Variants in ATXN1 observed in about 807,000 individuals in gnomAD.
The protein encoded by ATXN1 is ataxin-1.
In ATXN1, 8 loss-of-function variants were observed where a neutral mutation model predicts 56.4. The observed-to-expected ratio is 0.14, with a 90% confidence interval of 0.08 to 0.26. The LOEUF is 0.26. ATXN1 is among the 10% of genes least tolerant of loss of function. ATXN1 has a pLI of 1.00. For synonymous variants in ATXN1, 514 were observed against 494.6 expected, an observed-to-expected ratio of 1.04 and a Z score of -0.52; for missense variants, 987 against 1,106.5, an observed-to-expected ratio of 0.89 and a Z score of 1.53.
intron 6 of ATXN1, among the ~76,000 whole-genome samples, chr6:16,478,401 G>C (rs1275378167): frequency 6.6e-6 from 1 of 152,182 alleles, no homozygotes; most frequent in East Asian, 1.9e-4. Flanking sequence ...ACAAGCCGAA[G>C]TATGACAGCC....
chr6:16,424,923 T>C (rs1340671570), intron 6 of ATXN1, among the ~76,000 whole-genome samples: 1 of 152,306 alleles, frequency 6.6e-6, no homozygotes, highest in Non-Finnish European at 1.5e-5. Context: ...TCCAGAACCA[T>C]CTAATGGCAT....
intron 5 of ATXN1, among the ~76,000 whole-genome samples, chr6:16,508,210 C>T (rs4716076): frequency 0.25 from 38,302 of 152,000 alleles, 5,772 homozygotes; most frequent in African/African-American, 0.4. Context: ...GAAAACGATA[C>T]TACATGACCT....
chr6:16,562,560 T>G (rs75076424), intron 4 of ATXN1, among the ~76,000 whole-genome samples: 13,244 of 151,616 alleles, frequency 0.087, 1,273 homozygotes, highest in East Asian at 0.48. Flanking sequence ...ATGAAATGGC[T>G]GGCAGCAGCC....
At chr6:16,372,384 G>A (rs1035070062) in intron 6 of ATXN1, among the ~76,000 whole-genome samples, 1 of 152,180 alleles carries the variant, frequency 6.6e-6, no homozygotes, top group Admixed American at 6.5e-5. Flanking sequence ...AAGTACACAG[G>A]TAGAATTGGT....
intron 3 of ATXN1, among the ~76,000 whole-genome samples, chr6:16,616,421 T>C (rs1763209806): frequency 1.3e-5 from 2 of 151,382 alleles, no homozygotes; most frequent in African/African-American, 2.4e-5. Flanking sequence ...ACACCTGTAA[T>C]CCCAGATACT....
chr6:16,332,217 G>A (rs1339290645), intron 6 of ATXN1, among the ~76,000 whole-genome samples: 3 of 152,252 alleles, frequency 2.0e-5, no homozygotes, highest in African/African-American at 7.2e-5. Flanking sequence ...TCTGGGCCCC[G>A]TAAGCTTTCA....
chr6:16,353,981 G>A (rs921976912), intron 6 of ATXN1, among the ~76,000 whole-genome samples: 3 of 152,158 alleles, frequency 2.0e-5, no homozygotes, highest in Non-Finnish European at 4.4e-5. Flanking sequence ...GCTAGGTTGG[G>A]GAACTACTAC....
intron 3 of ATXN1, among the ~76,000 whole-genome samples, chr6:16,626,295 C>G (rs1763404967): frequency 6.6e-6 from 1 of 151,938 alleles, no homozygotes; most frequent in Non-Finnish European, 1.5e-5. Flanking sequence ...TACTTTATTT[C>G]TTGTTTTTGA....
intron 5 of ATXN1, among the ~76,000 whole-genome samples, chr6:16,499,667 G>A (rs1760844902): frequency 6.6e-6 from 1 of 152,154 alleles, no homozygotes; most frequent in Non-Finnish European, 1.5e-5. Flanking sequence ...CACCCATTAA[G>A]ATTGGCTCTT....
intron 4 of ATXN1, among the ~76,000 whole-genome samples, chr6:16,558,026 T>G (rs993714228): frequency 6.6e-6 from 1 of 151,916 alleles, no homozygotes; most frequent in African/African-American, 2.4e-5. Context: ...GTAGAGGAAA[T>G]GGGGGAGTGG....
At chr6:16,371,666 T>C (rs1266636500) in intron 6 of ATXN1, among the ~76,000 whole-genome samples, 1 of 152,076 alleles carries the variant, frequency 6.6e-6, no homozygotes, top group Non-Finnish European at 1.5e-5. Context: ...GATCCTCCCA[T>C]CTCAGCTTCC....
At chr6:16,428,625 G>C (rs537754618) in intron 6 of ATXN1, among the ~76,000 whole-genome samples, 1 of 152,194 alleles carries the variant, frequency 6.6e-6, no homozygotes, top group Non-Finnish European at 1.5e-5. Context: ...TGCAAATGAG[G>C]AAAGGAGACA....
intron 1 of ATXN1, among the ~76,000 whole-genome samples, chr6:16,758,767 G>C (rs1424343813): frequency 3.9e-5 from 6 of 152,230 alleles, no homozygotes; most frequent in African/African-American, 1.4e-4. Context: ...AGGAGGTTCA[G>C]GGGAGCCCTT....
chr6:16,717,469 C>T (rs888089071), intron 2 of ATXN1, among the ~76,000 whole-genome samples: 2 of 152,236 alleles, frequency 1.3e-5, no homozygotes. Context: ...CCATATGGAT[C>T]TTCCTTAGAG....
intron 6 of ATXN1, among the ~76,000 whole-genome samples, chr6:16,475,058 C>G (rs1046665025): frequency 4.0e-4 from 61 of 151,998 alleles, no homozygotes; most frequent in African/African-American, 1.3e-3. Flanking sequence ...ATATCAACAG[C>G]CTTTGGGAAT....
chr6:16,337,613 G>C (rs1038557815), intron 6 of ATXN1, among the ~76,000 whole-genome samples: 1 of 152,262 alleles, frequency 6.6e-6, no homozygotes, highest in South Asian at 2.1e-4. Flanking sequence ...ATGCCTTTCT[G>C]TCAAGACCTT....
intron 4 of ATXN1, among the ~76,000 whole-genome samples, chr6:16,541,834 G>A (rs1435992902): frequency 6.6e-6 from 1 of 152,116 alleles, no homozygotes; most frequent in African/African-American, 2.4e-5. Flanking sequence ...AAAGTGACTT[G>A]GTCAAAGCTA....
intron 3 of ATXN1, among the ~76,000 whole-genome samples, chr6:16,644,288 G>A (rs1022975165): frequency 3.9e-5 from 6 of 152,134 alleles, no homozygotes; most frequent in South Asian, 4.1e-4. Flanking sequence ...AGGCTGAGGC[G>A]GGCAGATCAC....
intron 6 of ATXN1, among the ~76,000 whole-genome samples, chr6:16,364,812 C>T (rs200877111): frequency 3.8e-5 from 2 of 52,098 alleles, no homozygotes; most frequent in African/African-American, 1.1e-4. Flanking sequence ...GATTATTCAA[C>T]ATTTACGTGC....
Sources: allele counts gnomAD v4.1 joint callset (sites outside exome capture counted in the v4.1 genomes callset), GRCh38; gene constraint gnomAD v4.1.1; transcripts MANE v1.5; gene names NCBI Gene and HGNC (gene_info 2026-07-23, HGNC 2026-07-21).